Variants in GRM7 observed in about 807,000 individuals in gnomAD.
GRM7 encodes the protein glutamate metabotropic receptor 7, also known as metabotropic glutamate receptor 7.
GRM7 carries 35 observed loss-of-function variants against 84.5 expected under a neutral mutation model. The ratio of observed to expected loss-of-function variants is 0.41; its 90% CI spans 0.32 to 0.55. GRM7 has a LOEUF of 0.55. Ranked by LOEUF, GRM7 falls within the 20% of genes least tolerant of loss-of-function variation. GRM7 has a pLI of 0.19. For missense variants in GRM7, 1,003 were observed against 1,194.6 expected (o/e 0.84, Z 2.36); for synonymous variants, 487 against 455.1 (o/e 1.07, Z -0.89).
chr3:7,532,078 T>C (rs917937510), intron 7 of GRM7, among the ~76,000 whole-genome samples: 5 of 152,156 alleles, frequency 3.3e-5, no homozygotes, highest in Admixed American at 2.0e-4. Flanking sequence ...GCCTGAAATT[T>C]TCTTTTTTTG....
chr3:6,888,005 G>A (rs998854585), intron 1 of GRM7, among the ~76,000 whole-genome samples: 1 of 152,120 alleles, frequency 6.6e-6, no homozygotes, highest in Non-Finnish European at 1.5e-5. Context: ...TTTTTCATGT[G>A]TTTTTTGGCT....
chr3:7,467,215 G>C (rs1226719912), intron 7 of GRM7, among the ~76,000 whole-genome samples: 1 of 152,092 alleles, frequency 6.6e-6, no homozygotes, highest in Non-Finnish European at 1.5e-5. Context: ...AGCCTCCTGA[G>C]TATCTGGGAC....
chr3:7,721,929 G>T lies in GRM7; in HGVS notation c.2699-18428G>T, dbSNP rs970102382. 2.0e-5 allele frequency among the ~76,000 whole-genome samples: 3 copies of T among 152,318 alleles called. No homozygotes were observed. In the South Asian group the frequency reaches 6.2e-4, roughly 32 times the overall value. Reference sequence around the variant, plus strand: ...ATTTCGAGGTCACACTTTCACAGAGGTGGAACAGTGGCTAATGATGACAGT... The same window carrying T: ...ATTTCGAGGTCACACTTTCACAGAGTTGGAACAGTGGCTAATGATGACAGT... On this transcript the variant is annotated intron_variant, in intron 9 of 9. Transcript: ENST00000357716.
intron 2 of GRM7, among the ~76,000 whole-genome samples, chr3:7,176,324 T>C (rs1287809245): frequency 6.7e-6 from 1 of 149,820 alleles, no homozygotes; most frequent in Non-Finnish European, 1.5e-5. Flanking sequence ...GGTGGGAGGA[T>C]TGATTGAGCC....
At chr3:7,055,402 T>C (rs1239840964) in intron 1 of GRM7, among the ~76,000 whole-genome samples, 1 of 151,746 alleles carries the variant, frequency 6.6e-6, no homozygotes, top group Non-Finnish European at 1.5e-5. Context: ...ACCGTTTTGT[T>C]GGAGTCAGGC....
At chr3:6,945,607 T>A (rs528986132) in intron 1 of GRM7, among the ~76,000 whole-genome samples, 12 of 152,240 alleles carry the variant, frequency 7.9e-5, no homozygotes, top group Admixed American at 3.3e-4. Context: ...CAAATGGTAT[T>A]TCTAGTTCTA....
rs546548542 is a variant in GRM7 at position 7,298,663 on chromosome 3, A to G, written c.737-21A>G. 8.5e-5 allele frequency: 136 copies of G among 1,607,734 alleles called. No individual in the cohort carries two copies. In the South Asian group the frequency reaches 1.4e-3, roughly 16 times the overall value. Reference sequence around the variant, plus strand: ...TCTCTGTGGAAACATTATTGACACTATGTTTTCTTCTCTTAAACAGGTGGA... The same window carrying G: ...TCTCTGTGGAAACATTATTGACACTGTGTTTTCTTCTCTTAAACAGGTGGA... On this transcript the variant is annotated intron_variant, in intron 2 of 9. Transcript: ENST00000357716.
chr3:7,667,280 A>AAAAAGAGAG (rs1553634441), intron 8 of GRM7, among the ~76,000 whole-genome samples: 1 of 148,830 alleles, frequency 6.7e-6, no homozygotes, highest in Non-Finnish European at 1.5e-5. Context: ...AAAAAAAAAA[A>AAAAAGAGAG]AGAGAGAGAG....
At chr3:7,301,911 G>A (rs1700016064) in intron 3 of GRM7, among the ~76,000 whole-genome samples, 1 of 152,206 alleles carries the variant, frequency 6.6e-6, no homozygotes, top group Non-Finnish European at 1.5e-5. Flanking sequence ...CTTTGTCAAA[G>A]GCTAGCAGTG....
At chr3:7,327,778 T>G (rs2125061960) in intron 4 of GRM7, among the ~76,000 whole-genome samples, 1 of 152,312 alleles carries the variant, frequency 6.6e-6, no homozygotes, top group African/African-American at 2.4e-5. Flanking sequence ...TATTTGCATG[T>G]TTAACAAATC....
intron 4 of GRM7, among the ~76,000 whole-genome samples, chr3:7,342,627 A>G (rs1692694007): frequency 6.6e-6 from 1 of 152,150 alleles, no homozygotes; most frequent in Admixed American, 6.6e-5. Context: ...ACAGAATGTT[A>G]AGTTAAAGCA....
intron 2 of GRM7, among the ~76,000 whole-genome samples, chr3:7,276,801 T>C (rs796789600): frequency 0.12 from 68 of 544 alleles, no homozygotes; most frequent in African/African-American, 0.23. Flanking sequence ...CTTCCTTCCT[T>C]CCTTTTTGGT....
Position 7,541,326 on chromosome 3 carries a change from A to C in GRM7, c.1516-37096A>C, listed in dbSNP as rs554020393. Among the ~76,000 whole-genome samples, 82 of 152,288 alleles carry C rather than the reference A, an allele frequency of 5.4e-4. No homozygotes were observed. In the Middle Eastern group the frequency reaches 0.01, roughly 19 times the overall value. The stretch of plus-strand genomic sequence containing the variant: ...AATAGAAATTTGGAGCCAAACTTAT[A>C]CTAAATTCAACTCGGGGCATGATTT... On this transcript the variant is annotated intron_variant, in intron 7 of 9. Transcript: ENST00000357716.
At chr3:7,412,846 C>T (rs924685610) in intron 4 of GRM7, among the ~76,000 whole-genome samples, 3 of 151,532 alleles carry the variant, frequency 2.0e-5, no homozygotes, top group Non-Finnish European at 2.9e-5. Flanking sequence ...CTGTTTCCAG[C>T]GAACCAAAAC....
intron 1 of GRM7, among the ~76,000 whole-genome samples, chr3:6,974,533 C>T (rs775339620): frequency 2.6e-5 from 4 of 151,976 alleles, no homozygotes; most frequent in South Asian, 2.1e-4. Context: ...CTGTAGAATG[C>T]GAGGGTATCA....
At chr3:7,429,168 C>T (rs7646662) in intron 5 of GRM7, among the ~76,000 whole-genome samples, 49,838 of 151,746 alleles carry the variant, frequency 0.33, 9,439 homozygotes, top group Non-Finnish European at 0.44. Context: ...AAAATGTTGA[C>T]GATAATAATA....
chr3:7,146,535 C>T lies in GRM7; in HGVS notation c.603C>T (p.Pro201=), dbSNP rs145727552. The T allele has an allele frequency of 6.8e-5, 110 of 1,613,846 alleles. No homozygotes were observed. The highest frequency in any genetic ancestry group is 1.2e-4 in the African/African-American group (9 of 74,878). Residue 201 remains proline (P), a synonymous_variant, in exon 2 of 10, where the codon CCC becomes CCT. Transcript: ENST00000357716. ...ACTTCTTCTCTCGCGTGGTGCCACC[C>T]GATTCCTTCCAAGCCCAGGCCATGG... ...RYDFFSRVVP[P]DSFQAQAMVD... is the part of the protein sequence containing the mutation.
intron 1 of GRM7, among the ~76,000 whole-genome samples, chr3:7,071,423 A>T (rs566788189): frequency 6.6e-6 from 1 of 152,230 alleles, no homozygotes; most frequent in South Asian, 2.1e-4. Context: ...ATTCCATTCT[A>T]GCCATTCCAG....
intron 1 of GRM7, among the ~76,000 whole-genome samples, chr3:6,943,091 T>G (rs1697945606): frequency 6.6e-6 from 1 of 152,036 alleles, no homozygotes; most frequent in Admixed American, 6.6e-5. Flanking sequence ...TTTAAAATAC[T>G]TCATATATTC....
Sources: allele counts gnomAD v4.1 joint callset (sites outside exome capture counted in the v4.1 genomes callset), GRCh38; gene constraint gnomAD v4.1.1; transcripts MANE v1.5; gene names NCBI Gene and HGNC (gene_info 2026-07-23, HGNC 2026-07-21).